The following CHN2 variants were observed in gnomAD, a reference collection of about 807,000 sequenced individuals.
CHN2 encodes the protein beta-chimaerin.
In CHN2, 35 loss-of-function variants were observed where a neutral mutation model predicts 56.3. The ratio of observed to expected loss-of-function variants is 0.62; its 90% CI spans 0.47 to 0.82. The LOEUF is 0.82. CHN2 is among the 40% of genes least tolerant of loss of function. CHN2 has a pLI of 0.00. For synonymous variants in CHN2, 210 were observed against 212.8 expected, an observed-to-expected ratio of 0.99 and a Z score of 0.12; for missense variants, 491 against 580.5, an observed-to-expected ratio of 0.85 and a Z score of 1.58.
At chr7:29,227,663 G>A (rs1369447872) in intron 1 of CHN2, among the ~76,000 whole-genome samples, 1 of 152,176 alleles carries the variant, frequency 6.6e-6, no homozygotes, top group Non-Finnish European at 1.5e-5. Context: ...CCACACACCT[G>A]TGGAGGCAGA....
intron 1 of CHN2, among the ~76,000 whole-genome samples, chr7:29,308,479 G>A (rs1190995801): frequency 6.6e-6 from 1 of 152,072 alleles, no homozygotes; most frequent in Non-Finnish European, 1.5e-5. Flanking sequence ...GTGTGTGTGT[G>A]TGTTGGGATA....
At chr7:29,329,530 C>T (rs1237823157) in intron 1 of CHN2, among the ~76,000 whole-genome samples, 1 of 151,950 alleles carries the variant, frequency 6.6e-6, no homozygotes, top group African/African-American at 2.4e-5. Context: ...TTGTTTGCAG[C>T]ATTTCTGAAA....
chr7:29,330,690 A>G (rs2128903500), intron 1 of CHN2, among the ~76,000 whole-genome samples: 1 of 152,336 alleles, frequency 6.6e-6, no homozygotes, highest in Non-Finnish European at 1.5e-5. Context: ...TATTATATGA[A>G]GAAAAGGAAA....
intron 1 of CHN2, among the ~76,000 whole-genome samples, chr7:29,272,827 C>T (rs1019723335): frequency 6.6e-6 from 1 of 152,048 alleles, no homozygotes. Flanking sequence ...TTGAGGTTTA[C>T]AACATGATAT....
chr7:29,220,446 A>G (rs1785706439), intron 1 of CHN2, among the ~76,000 whole-genome samples: 1 of 152,100 alleles, frequency 6.6e-6, no homozygotes, highest in Non-Finnish European at 1.5e-5. Context: ...AAGAGAAAAT[A>G]CAATGAATTT....
intron 1 of CHN2, among the ~76,000 whole-genome samples, chr7:29,247,486 C>T (rs1346161295): frequency 6.6e-6 from 1 of 152,188 alleles, no homozygotes; most frequent in Non-Finnish European, 1.5e-5. Context: ...TGCCCACAGC[C>T]CTCCTTGACC....
In CHN2 at chr7:29,156,783, A is replaced by G. The variant is rs1242922739; in HGVS notation, c.274+9823A>G. Among the ~76,000 whole-genome samples the G allele has an allele frequency of 4.0e-5, 6 of 151,080 alleles. No individual in the cohort carries two copies. In the East Asian group the frequency reaches 1.2e-3, roughly 30 times the overall value. ...TCAGATTTTTAGCTTCTGCATAGCTAAAGAAAAAGTCCAAGAAGTCATAAT... is the reference window on the plus strand; with the variant it reads ...TCAGATTTTTAGCTTCTGCATAGCTGAAGAAAAAGTCCAAGAAGTCATAAT... On this transcript the variant is annotated intron_variant, in intron 2 of 6. Transcript: ENST00000439384.
At chr7:29,180,344 G>A (rs1245055434) in intron 2 of CHN2, among the ~76,000 whole-genome samples, 8 of 152,066 alleles carry the variant, frequency 5.3e-5, no homozygotes, top group Non-Finnish European at 1.0e-4. Flanking sequence ...TGACTAACAC[G>A]GTGAAACCCT....
chr7:29,487,204 T>TC (rs1258439578), intron 7 of CHN2, among the ~76,000 whole-genome samples: 4 of 103,940 alleles, frequency 3.8e-5, no homozygotes, highest in African/African-American at 1.2e-4. Flanking sequence ...GGGGCTTGTT[T>TC]TGTTTTTTTT....
At chr7:29,302,101 T>C (rs1793718673) in intron 1 of CHN2, among the ~76,000 whole-genome samples, 1 of 152,240 alleles carries the variant, frequency 6.6e-6, no homozygotes, top group Non-Finnish European at 1.5e-5. Flanking sequence ...GCCTTTTGCA[T>C]TGACCCGTGG....
At chr7:29,152,467 A>G (rs1249687756) in intron 2 of CHN2, among the ~76,000 whole-genome samples, 1 of 152,174 alleles carries the variant, frequency 6.6e-6, no homozygotes, top group African/African-American at 2.4e-5. Flanking sequence ...AATGGAAGTC[A>G]TAACAACTTA....
chr7:29,449,158 T>C lies in CHN2; in HGVS notation c.577-31121T>C, dbSNP rs549252196. ...GCAGAATAAACCCAGAGTGAAGTGT[T>C]TCCTTATTATTTCACACAAGGGAAA... On this transcript the variant is annotated intron_variant, in intron 6 of 12. Coordinates refer to ENST00000222792, the MANE Select transcript of CHN2 (RefSeq NM_004067.4). Among the ~76,000 whole-genome samples, 32 of 152,334 alleles carry C rather than the reference T, an allele frequency of 2.1e-4. No individual in the cohort carries two copies. In the South Asian group the frequency reaches 6.4e-3, roughly 31 times the overall value.
At chr7:29,208,725 GAC>G (rs1784708506) in intron 1 of CHN2, 1 of 152,116 alleles carries the variant, frequency 6.6e-6, no homozygotes, top group Non-Finnish European at 1.5e-5. Context: ...CTCACATCCT[GAC>G]CAGACCATTC....
chr7:29,212,719 G>T (rs747056989), intron 1 of CHN2: 242 of 1,597,854 alleles, frequency 1.5e-4, no homozygotes, highest in Non-Finnish European at 1.9e-4. Context: ...AACAGGTGAA[G>T]ACCTGGTTCT....
At chr7:29,207,792 G>A (rs909268751) in intron 1 of CHN2, among the ~76,000 whole-genome samples, 3 of 152,096 alleles carry the variant, frequency 2.0e-5, no homozygotes, top group African/African-American at 4.8e-5. Context: ...TCAAAGAACC[G>A]ACACCCTTTG....
chr7:29,429,444 T>G (rs1805194618), intron 6 of CHN2, among the ~76,000 whole-genome samples: 1 of 152,218 alleles, frequency 6.6e-6, no homozygotes, highest in Admixed American at 6.5e-5. Context: ...GTTTGTTTTG[T>G]TTTTGGTTCG....
chr7:29,466,520 A>G (rs969974525), intron 6 of CHN2, among the ~76,000 whole-genome samples: 4 of 152,250 alleles, frequency 2.6e-5, no homozygotes, highest in Non-Finnish European at 5.9e-5. Flanking sequence ...TGTACATGTC[A>G]TAGTGATCTC....
intron 6 of CHN2, among the ~76,000 whole-genome samples, chr7:29,473,167 G>A (rs1255173778): frequency 6.6e-6 from 1 of 152,204 alleles, no homozygotes; most frequent in African/African-American, 2.4e-5. Context: ...GGTTTTAAGT[G>A]GCATGATGGG....
chr7:29,324,693 CT>C (rs1344666750), intron 1 of CHN2, among the ~76,000 whole-genome samples: 3 of 151,172 alleles, frequency 2.0e-5, no homozygotes, highest in African/African-American at 7.3e-5. Context: ...CTATTCAGGT[CT>C]TTTTAAATCC....
Sources: gnomAD v4.1 joint callset for allele counts (sites outside exome capture counted in the v4.1 genomes callset) on GRCh38, gnomAD v4.1.1 for gene constraint, MANE v1.5 for transcripts, NCBI Gene and HGNC (gene_info 2026-07-23, HGNC 2026-07-21) for gene names.